GORAB: variants seen among roughly 807,000 people sequenced by gnomAD.
The protein encoded by GORAB is golgin, RAB6 interacting, also known as RAB6-interacting golgin.
A neutral mutation model predicts 29.9 loss-of-function variants in GORAB; 17 were observed. The ratio of observed to expected loss-of-function variants is 0.57; its 90% confidence interval spans 0.39 to 0.85. The LOEUF is 0.85. Ranked by LOEUF, GORAB falls within the 40% of genes least tolerant of loss-of-function variation. GORAB has a pLI of 0.00. For missense variants in GORAB, 442 were observed against 437.8 expected, an observed-to-expected ratio of 1.01 and a Z score of -0.09; for synonymous variants, 183 against 157.2, an observed-to-expected ratio of 1.16 and a Z score of -1.23.
intron 2 of GORAB, 123 bp downstream of exon 2, chr1:170,539,690 T>C: frequency 9.6e-7 from 1 of 1,037,780 alleles, no homozygotes; most frequent in Non-Finnish European, 1.4e-6. Context: ...CATTCAATCA[T>C]AGGAATGTGA....
chr1:170,552,602 G>A lies in GORAB; in HGVS notation c.*140G>A, dbSNP rs1263845661. On this transcript the variant is annotated 3_prime_UTR_variant, in exon 5 of 5. Transcript: ENST00000367763. ...ATGATTAGTTTTAGTAAATTAATAG[G>A]TTTGGCCATTCTAAAATCCAAAATT... 4 of 793,842 alleles carry A rather than the reference G, an allele frequency of 5.0e-6. No individual in the cohort carries two copies. In the African/African-American group the frequency reaches 5.1e-5, roughly 10 times the overall value. The allele number at this position is 793,842 out of a possible 1,614,324, so 49.2% of individuals were successfully genotyped here.
chr1:170,537,391 A>G (rs1254073454), intron 1 of GORAB, among the ~76,000 whole-genome samples: 1 of 152,116 alleles, frequency 6.6e-6, no homozygotes, highest in Non-Finnish European at 1.5e-5. Context: ...GCAACACTGA[A>G]TACTGACTGT....
At chr1:170,545,556 A>G (rs1392681811) in intron 4 of GORAB, 8 of 985,022 alleles carry the variant, frequency 8.1e-6, no homozygotes, top group Admixed American at 6.1e-5. Flanking sequence ...AATATGTCCA[A>G]TTTCAGGGTT....
At chr1:170,534,713 G>A (rs983462242) in intron 1 of GORAB, among the ~76,000 whole-genome samples, 3 of 152,090 alleles carry the variant, frequency 2.0e-5, no homozygotes, top group African/African-American at 7.2e-5. Flanking sequence ...GGAGCAAAAG[G>A]CTGTACCATA....
At chr1:170,537,386 AC>A (rs1334707307) in intron 1 of GORAB, among the ~76,000 whole-genome samples, 1 of 152,136 alleles carries the variant, frequency 6.6e-6, no homozygotes, top group Admixed American at 6.5e-5. Flanking sequence ...GGCCAGCAAC[AC>A]TGAATACTGA....
chr1:170,550,616 A>G (rs1650047005), intron 4 of GORAB, among the ~76,000 whole-genome samples: 1 of 152,234 alleles, frequency 6.6e-6, no homozygotes, highest in South Asian at 2.1e-4. Flanking sequence ...TGAGTTTTCT[A>G]AAATGAAAGC....
chr1:170,539,380 C>G lies in GORAB; in HGVS notation c.232C>G (p.Pro78Ala). 6.2e-7 allele frequency: 1 copy of G among 1,614,152 alleles called. No individual in the cohort carries two copies. Among genetic ancestry groups the G allele is most frequent in the Non-Finnish European group, 8.5e-7 (1 of 1,180,006 alleles). The change falls in exon 2 of 5, where the codon CCA becomes GCA. Residue 78 changes from proline to alanine, a missense_variant. Physicochemically the swap from Pro to Ala is conservative, Grantham distance 27 (BLOSUM62 -1). Coordinates refer to ENST00000367763, the MANE Select transcript of GORAB (RefSeq NM_152281.3). Reference sequence around the variant, plus strand: ...AAAACAGAGAGTTAACGTTCAAAAACCACCTTTTTCTTCCCCTACTCTTCC... The same window carrying G: ...AAAACAGAGAGTTAACGTTCAAAAAGCACCTTTTTCTTCCCCTACTCTTCC... Reference protein sequence around the residue: ...APKQRVNVQKPPFSSPTLPSH... With the variant: ...APKQRVNVQKAPFSSPTLPSH...
At chr1:170,543,765 A>G (rs937987434) in intron 3 of GORAB, among the ~76,000 whole-genome samples, 45 of 152,262 alleles carry the variant, frequency 3.0e-4, no homozygotes, top group African/African-American at 1.1e-3. Context: ...TCTTCTCATA[A>G]GTGCTTTTGA....
rs182193737 is a variant in GORAB, at chr1:170,533,413, A to G, written c.61+1129A>G. 636 of 346,132 alleles carry G rather than the reference A, an allele frequency of 1.8e-3. 7 individuals carry two copies. Among genetic ancestry groups the G allele is most frequent in the Non-Finnish European group, 2.0e-3 (321 of 160,700 alleles). 21.4% of individuals were successfully genotyped at this position (346,132 alleles called of 1,614,324 possible). ...GACTCTGTGTTGCTTGATATACTCA[A>G]ATTCTTTTGCTTTGTGTTTTCAACA... On this transcript the variant is annotated intron_variant, in intron 1 of 4. Coordinates refer to ENST00000367763, the MANE Select transcript of GORAB (RefSeq NM_152281.3).
intron 4 of GORAB, among the ~76,000 whole-genome samples, chr1:170,550,415 T>C (rs1650035411): frequency 6.6e-6 from 1 of 152,148 alleles, no homozygotes; most frequent in South Asian, 2.1e-4. Flanking sequence ...TGAGAGAAAA[T>C]GTGTCGCTTC....
chr1:170,552,158 A>T lies in GORAB; in HGVS notation c.806A>T (p.Glu269Val). The T allele has an allele frequency of 6.2e-7, 1 of 1,614,114 alleles. No homozygotes were observed. The highest frequency in any genetic ancestry group is 1.1e-5 in the South Asian group (1 of 91,082). ...CTCCGAAAGGCCAAGAAGTTGGAGG[A>T]GTTGATGCAACAACTAGATGTAGAA... ...NELRKAKKLE[E>V]LMQQLDVEAD... The change falls in exon 5 of 5, where the codon GAG (glutamate) becomes GTG (valine). Residue 269 changes from glutamate to valine, a missense_variant. By Grantham distance (121) the Glu-to-Val change is moderately radical. Coordinates refer to ENST00000367763, the MANE Select transcript of GORAB (RefSeq NM_152281.3).
chr1:170,542,910 T>C (rs760750207), intron 3 of GORAB, among the ~76,000 whole-genome samples: 1 of 152,184 alleles, frequency 6.6e-6, no homozygotes, highest in Non-Finnish European at 1.5e-5. Context: ...ATATGTAAAT[T>C]AGCAACAAAT....
At chr1:170,546,347 G>T (rs931429366) in intron 4 of GORAB, among the ~76,000 whole-genome samples, 1 of 151,528 alleles carries the variant, frequency 6.6e-6, no homozygotes, top group African/African-American at 2.4e-5. Flanking sequence ...CCAAGATTGC[G>T]CCACTGCACT....
chr1:170,540,689 AT>A (rs1192552403), intron 2 of GORAB, among the ~76,000 whole-genome samples: 1 of 152,230 alleles, frequency 6.6e-6, no homozygotes, highest in African/African-American at 2.4e-5. Context: ...GAGCTGGACA[AT>A]TTGGATTGGA....
rs1308444152 is a variant in GORAB at position 170,552,862 on chromosome 1, TTTTA to T, written c.*405_*408del. The T allele has an allele frequency of 4.4e-6, 2 of 453,058 alleles. No homozygotes were observed. Among genetic ancestry groups the T allele is most frequent in the Non-Finnish European group, 8.8e-6 (2 of 226,784 alleles). The allele number at this position is 453,058 out of a possible 1,614,324, so 28.1% of individuals were successfully genotyped here. ...AGACGTATTAAGACTGGAAGTCCTA[TTTTA>T]TTTAATCAGTATCAGTAAAAAGACA... On this transcript the variant is annotated 3_prime_UTR_variant, in exon 5 of 5. Coordinates refer to ENST00000367763, the MANE Select transcript of GORAB (RefSeq NM_152281.3).
At chr1:170,534,217 A>G (rs1430176899) in intron 1 of GORAB, among the ~76,000 whole-genome samples, 1 of 152,240 alleles carries the variant, frequency 6.6e-6, no homozygotes, top group Non-Finnish European at 1.5e-5. Context: ...TGGTGGGAAT[A>G]TATTAGTATT....
intron 1 of GORAB, among the ~76,000 whole-genome samples, chr1:170,537,780 T>G (rs1440391156): frequency 1.3e-5 from 2 of 151,866 alleles, no homozygotes; most frequent in African/African-American, 4.9e-5. Context: ...GTTCTGTGTT[T>G]AAGTGGCCTG....
intron 1 of GORAB, among the ~76,000 whole-genome samples, chr1:170,538,611 G>A (rs893655011): frequency 4.6e-5 from 7 of 152,134 alleles, no homozygotes; most frequent in South Asian, 2.1e-4. Context: ...ACTAGGCTTC[G>A]GGGAGTACAA....
In GORAB at chr1:170,553,599, A is replaced by G; in HGVS notation, c.*1137A>G. 3 of 452,690 alleles carry G rather than the reference A, an allele frequency of 6.6e-6. No homozygotes were observed. The highest frequency in any genetic ancestry group is 1.6e-5 in the South Asian group (1 of 63,676). The allele number at this position is 452,690 out of a possible 1,614,324, so 28.0% of individuals were successfully genotyped here. ...ATCCATAAAAGTTTCTGAAAAACTT[A>G]GGGACATCCTGTTTTTAAATGGGTT... On this transcript the variant is annotated 3_prime_UTR_variant, in exon 5 of 5. Coordinates refer to ENST00000367763, the MANE Select transcript of GORAB (RefSeq NM_152281.3).
Sources: allele counts gnomAD v4.1 joint callset (sites outside exome capture counted in the v4.1 genomes callset), GRCh38; gene constraint gnomAD v4.1.1; transcripts MANE v1.5; gene names NCBI Gene and HGNC (gene_info 2026-07-23, HGNC 2026-07-21).